The following TRAPPC9 variants were observed in gnomAD, a reference collection of about 807,000 sequenced individuals.
The protein encoded by TRAPPC9 is IKK2 binding protein.
TRAPPC9 carries 83 observed loss-of-function variants against 124.0 expected under a neutral mutation model. The observed-to-expected ratio is 0.67, with a 90% CI of 0.56 to 0.80. The LOEUF (loss-of-function observed/expected upper bound fraction) is 0.80. Ranked by LOEUF, TRAPPC9 falls within the 30% of genes least tolerant of loss-of-function variation. The pLI, the probability that TRAPPC9 is intolerant of heterozygous loss-of-function variation, is 0.00. For missense variants in TRAPPC9, 1,302 were observed against 1,508.3 expected (o/e 0.86, Z 2.27); for synonymous variants, 638 against 617.5 (o/e 1.03, Z -0.49).
At chr8:140,116,953 G>A (rs566364666) in intron 17 of TRAPPC9, among the ~76,000 whole-genome samples, 2 of 151,736 alleles carry the variant, frequency 1.3e-5, no homozygotes, top group Non-Finnish European at 2.9e-5. Flanking sequence ...GTGAGTAGGC[G>A]GAGTTCAGGC....
At chr8:139,937,430 G>C (rs891035714) in intron 19 of TRAPPC9, among the ~76,000 whole-genome samples, 7 of 152,034 alleles carry the variant, frequency 4.6e-5, no homozygotes, top group Non-Finnish European at 7.4e-5. Flanking sequence ...TTGTGGGTTG[G>C]GCTGACATCT....
rs142853630 is a variant in TRAPPC9, at chr8:140,132,990, G to T, written c.2556+88469C>A. The stretch of plus-strand genomic sequence containing the variant: ...TAGAAAATCTGACCCAACATTTAAA[G>T]AATTAAAACCAAACCTTGTTAAACT... On this transcript the variant is annotated intron_variant, in intron 17 of 22. Coordinates refer to ENST00000438773, the MANE Select transcript of TRAPPC9 (RefSeq NM_001160372.4). Among the ~76,000 whole-genome samples, 456 of 152,290 alleles carry T rather than the reference G, an allele frequency of 3.0e-3. 10 individuals carry two copies. The highest frequency in any genetic ancestry group is 0.028 in the Admixed American group (433 of 15,302).
intron 19 of TRAPPC9, among the ~76,000 whole-genome samples, chr8:139,980,791 A>G (rs1418880793): frequency 6.6e-6 from 1 of 152,202 alleles, no homozygotes; most frequent in Non-Finnish European, 1.5e-5. Context: ...AGCTGGGGAC[A>G]GGTCTGCAGA....
chr8:139,786,135 G>A (rs1822226247), intron 21 of TRAPPC9, among the ~76,000 whole-genome samples: 1 of 152,114 alleles, frequency 6.6e-6, no homozygotes, highest in Non-Finnish European at 1.5e-5. Flanking sequence ...TTGAACCTGG[G>A]AGGCAGAGGT....
chr8:140,249,653 G>C (rs1317794307), intron 16 of TRAPPC9, among the ~76,000 whole-genome samples: 1 of 142,500 alleles, frequency 7.0e-6, no homozygotes, highest in Non-Finnish European at 1.5e-5. Flanking sequence ...ACCCAGGCTG[G>C]AGGGCAGTGG....
chr8:139,835,513 T>C (rs1001510129), intron 21 of TRAPPC9, among the ~76,000 whole-genome samples: 1 of 152,228 alleles, frequency 6.6e-6, no homozygotes, highest in Non-Finnish European at 1.5e-5. Context: ...TATCTATTCA[T>C]CTAGGTATCT....
intron 17 of TRAPPC9, among the ~76,000 whole-genome samples, chr8:140,045,970 A>G (rs964073596): frequency 3.9e-5 from 6 of 152,206 alleles, no homozygotes; most frequent in African/African-American, 1.4e-4. Context: ...TCCTCTCAAA[A>G]GAATGGTGGG....
At chr8:140,177,198 A>C (rs2062089458) in intron 17 of TRAPPC9, among the ~76,000 whole-genome samples, 1 of 152,212 alleles carries the variant, frequency 6.6e-6, no homozygotes, top group Non-Finnish European at 1.5e-5. Flanking sequence ...TTTTTGTCCC[A>C]AGAAATCTCT....
intron 12 of TRAPPC9, among the ~76,000 whole-genome samples, chr8:140,290,748 TA>T (rs2065629526): frequency 6.6e-6 from 1 of 152,218 alleles, no homozygotes; most frequent in African/African-American, 2.4e-5. Context: ...CCCAATCAAC[TA>T]AGCTCGGCAT....
intron 14 of TRAPPC9, 78 bp downstream of exon 14, chr8:140,283,811 C>T (rs1309283157): frequency 1.4e-6 from 2 of 1,465,770 alleles, no homozygotes; most frequent in Admixed American, 1.7e-5. Flanking sequence ...GCTCTTTGTG[C>T]CATTAAAAAA....
intron 21 of TRAPPC9, among the ~76,000 whole-genome samples, chr8:139,853,351 T>C (rs1827611225): frequency 6.6e-6 from 1 of 152,132 alleles, no homozygotes; most frequent in Non-Finnish European, 1.5e-5. Context: ...AAATCTCTTC[T>C]CCTTTTTAGG....
At chr8:140,457,958 AAAG>A (rs1431601554), upstream of TRAPPC9, among the ~76,000 whole-genome samples, 6 of 107,468 alleles carry the variant, frequency 5.6e-5, no homozygotes, top group African/African-American at 2.3e-4. Context: ...AGGTGGGGTG[AAAG>A]AAGGAGGGAG....
chr8:139,830,555 C>T (rs1825921846), intron 21 of TRAPPC9, among the ~76,000 whole-genome samples: 2 of 151,496 alleles, frequency 1.3e-5, no homozygotes, highest in Admixed American at 6.6e-5. Context: ...AACGAGCAAG[C>T]ACATGCAAAT....
chr8:140,126,902 A>C (rs2061109118), intron 17 of TRAPPC9, among the ~76,000 whole-genome samples: 1 of 152,168 alleles, frequency 6.6e-6, no homozygotes, highest in African/African-American at 2.4e-5. Flanking sequence ...TCGCAGCTTC[A>C]TGGCACACCA....
chr8:140,422,098 G>T (rs2070236400), intron 5 of TRAPPC9, among the ~76,000 whole-genome samples: 1 of 151,688 alleles, frequency 6.6e-6, no homozygotes, highest in Non-Finnish European at 1.5e-5. Flanking sequence ...ATAAATCCTG[G>T]GTGCAAACTC....
intron 19 of TRAPPC9, chr8:139,916,718 A>C (rs1302383692): frequency 6.6e-6 from 1 of 152,228 alleles, no homozygotes; most frequent in Non-Finnish European, 1.5e-5. Context: ...AGAGTCTATA[A>C]AAAAATGGTG....
chr8:140,281,483 A>C (rs1039686037), intron 14 of TRAPPC9, among the ~76,000 whole-genome samples: 12 of 152,228 alleles, frequency 7.9e-5, no homozygotes, highest in Non-Finnish European at 1.8e-4. Flanking sequence ...TTAAGTTTTA[A>C]GAGTTCTTAA....
intron 17 of TRAPPC9, among the ~76,000 whole-genome samples, chr8:140,174,018 T>C (rs1041857208): frequency 1.3e-5 from 2 of 152,136 alleles, no homozygotes; most frequent in Admixed American, 6.5e-5. Flanking sequence ...GCCTGAGCCA[T>C]GGTAGCCATT....
At chr8:139,810,509 A>G (rs1227833941) in intron 21 of TRAPPC9, among the ~76,000 whole-genome samples, 2 of 152,232 alleles carry the variant, frequency 1.3e-5, no homozygotes, top group Non-Finnish European at 2.9e-5. Context: ...CAAATGCTAC[A>G]GACCAGGGCT....
Sources: gnomAD v4.1 joint callset for allele counts (sites outside exome capture counted in the v4.1 genomes callset) on GRCh38, gnomAD v4.1.1 for gene constraint, MANE v1.5 for transcripts, NCBI Gene and HGNC (gene_info 2026-07-23, HGNC 2026-07-21) for gene names.